KDM5A: variants seen among roughly 807,000 people sequenced by gnomAD.
KDM5A encodes lysine-specific demethylase 5A.
KDM5A carries 42 observed loss-of-function variants against 193.5 expected under a neutral mutation model. The ratio of observed to expected loss-of-function variants is 0.22; its 90% CI spans 0.17 to 0.28. The LOEUF (loss-of-function observed/expected upper bound fraction) is 0.28, where lower values mean the gene tolerates loss of function less well. Among genes scored for constraint, KDM5A ranks in the 10% least tolerant of loss-of-function variants. The pLI, the probability that KDM5A is intolerant of heterozygous loss-of-function variation, is 1.00. For synonymous variants in KDM5A, 796 were observed against 718.1 expected (o/e 1.11, Z -1.73); for missense variants, 1,692 against 2,055.1 (o/e 0.82, Z 3.42).
chr12:302,314 C>G (rs910770838), intron 24 of KDM5A, among the ~76,000 whole-genome samples: 2 of 152,088 alleles, frequency 1.3e-5, no homozygotes, highest in Admixed American at 6.5e-5. Flanking sequence ...GGTACTGGTA[C>G]CAAAACAGAT....
chr12:341,972 G>C (rs983968802), intron 10 of KDM5A, among the ~76,000 whole-genome samples: 6 of 149,588 alleles, frequency 4.0e-5, no homozygotes, highest in Non-Finnish European at 8.9e-5. Flanking sequence ...CAAAATGGGA[G>C]ACATAAATCA....
chr12:382,559 A>G (rs139021471), intron 3 of KDM5A, among the ~76,000 whole-genome samples: 1,946 of 152,336 alleles, frequency 0.013, 22 homozygotes, highest in Middle Eastern at 0.044. Context: ...AAGATATGAA[A>G]GGCCACAAGA....
chr12:372,569 T>A (rs1201146243), intron 3 of KDM5A, among the ~76,000 whole-genome samples: 2 of 152,242 alleles, frequency 1.3e-5, no homozygotes, highest in Non-Finnish European at 2.9e-5. Flanking sequence ...TTTTCCTGAT[T>A]GAATACCCTT....
intron 9 of KDM5A, 127 bp downstream of exon 9, chr12:352,078 T>C: frequency 1.2e-6 from 1 of 814,556 alleles, no homozygotes; most frequent in East Asian, 2.8e-5. Context: ...CACTCCAGCC[T>C]GGGCGACAAA....
At chr12:373,090 G>A (rs536731670) in intron 3 of KDM5A, among the ~76,000 whole-genome samples, 16 of 152,146 alleles carry the variant, frequency 1.1e-4, no homozygotes, top group Non-Finnish European at 1.8e-4. Flanking sequence ...TTGGTATCAG[G>A]ATGATGCTGG....
At position 297,032 on chromosome 12, in the gene KDM5A, G is replaced by C; in HGVS notation, c.4234+9C>G. ...TTATGTTCCCCACAGTTTTTTAAAGGAGTAATACCTTGAGAACAACTCTTA... is the reference window on the plus strand; with the variant it reads ...TTATGTTCCCCACAGTTTTTTAAAGCAGTAATACCTTGAGAACAACTCTTA... On this transcript the variant is annotated intron_variant, in intron 25 of 27. Transcript: ENST00000399788. 1.9e-6 allele frequency: 3 copies of C among 1,613,322 alleles called. No homozygotes were observed. The highest frequency in any genetic ancestry group is 2.5e-6 in the Non-Finnish European group (3 of 1,179,714).
chr12:378,818 G>C (rs1247797962), intron 3 of KDM5A, among the ~76,000 whole-genome samples: 1 of 152,110 alleles, frequency 6.6e-6, no homozygotes, highest in Non-Finnish European at 1.5e-5. Context: ...AATTAGCCGG[G>C]CGTGGTGGTG....
intron 18 of KDM5A, 137 bp from the exon 19 acceptor site, chr12:318,598 A>G (rs1267514245): frequency 3.1e-6 from 2 of 649,244 alleles, no homozygotes; most frequent in African/African-American, 3.7e-5. Flanking sequence ...ATATTCAGAT[A>G]TGACAGTTAA....
chr12:319,321 T>C (rs939291711), intron 18 of KDM5A, among the ~76,000 whole-genome samples: 3 of 152,356 alleles, frequency 2.0e-5, no homozygotes, highest in South Asian at 2.1e-4. Context: ...TCCAGTGGTG[T>C]AGAGCATAGT....
chr12:344,496 G>A (rs971888195), intron 10 of KDM5A, among the ~76,000 whole-genome samples: 2 of 152,110 alleles, frequency 1.3e-5, no homozygotes, highest in African/African-American at 4.8e-5. Context: ...GAAGGAAAAA[G>A]TGTTAAGGGC....
rs1227635365 is a variant in KDM5A at position 281,338 on chromosome 12, AAAAC to A, written c.*4114_*4117del. 8.6e-6 allele frequency: 2 copies of A among 233,090 alleles called. No individual in the cohort carries two copies. The highest frequency in any genetic ancestry group is 4.4e-5 in the African/African-American group (2 of 45,350). 14.4% of individuals were successfully genotyped at this position (233,090 alleles called of 1,614,324 possible). A position where few individuals can be genotyped will look rare whatever the true frequency, so the allele number is the denominator to read the frequency against. Reference sequence around the variant, plus strand: ...GACCACTTGGAGTACTGCAAAAGAAAAAACAAACAAGATACAGCTTTCATAACCC... The same window carrying A: ...GACCACTTGGAGTACTGCAAAAGAAAAAACAAGATACAGCTTTCATAACCC... On this transcript the variant is annotated 3_prime_UTR_variant, in exon 28 of 28. Transcript: ENST00000399788.
chr12:293,102 C>T lies in KDM5A; in HGVS notation c.4523G>A (p.Arg1508Gln), dbSNP rs539682097. The T allele has an allele frequency of 2.4e-5, 38 of 1,595,740 alleles. No individual in the cohort carries two copies. The highest frequency in any genetic ancestry group is 5.5e-5 in the Admixed American group (3 of 54,504). ...AAGTTGCTCTACCTTTTCTAGCTTC[C>T]GTTTCCGTTTCTTCTCTGAAGAGTC... ...GKDSSEKKRKRKLEKVEQLFG... is the reference protein window; with the variant it reads ...GKDSSEKKRKQKLEKVEQLFG... The change falls in exon 27 of 28, where the codon CGG (arginine) becomes CAG (glutamine). Residue 1508 changes from arginine to glutamine, a missense_variant. This residue lies in a region of KDM5A where 965 missense variants were observed against 1,061.0 expected (regional missense o/e 0.91). Transcript: ENST00000399788.
rs142041975 is a variant in KDM5A, at chr12:362,158, G to A, written c.672+805C>T. 3.1e-3 allele frequency among the ~76,000 whole-genome samples: 477 copies of A among 152,128 alleles called. 2 individuals carry two copies. The highest frequency in any genetic ancestry group is 0.011 in the African/African-American group (451 of 41,504). ...TTTTCCTGTCTATCTATATGTTAAC[G>A]TACATGGATTAAATCTTAGGAGTTC... On this transcript the variant is annotated intron_variant, in intron 5 of 27. Coordinates refer to ENST00000399788, the MANE Select transcript of KDM5A (RefSeq NM_001042603.3).
intron 2 of KDM5A, among the ~76,000 whole-genome samples, chr12:385,572 A>G (rs1364939168): frequency 6.6e-6 from 1 of 152,192 alleles, no homozygotes; most frequent in Non-Finnish European, 1.5e-5. Flanking sequence ...TTAAAAATCC[A>G]TTTTCCAAGA....
rs1943611233 is a variant in KDM5A, at chr12:313,201, G to C, written c.2898-7C>G. The stretch of plus-strand genomic sequence containing the variant: ...TGCCACACTGTGCCTCGGTCTAAAA[G>C]AACAATAAAAACAGAGTAGGATGCA... On this transcript the variant is annotated splice_polypyrimidine_tract_variant and splice_region_variant and intron_variant, in intron 19 of 27. Transcript: ENST00000399788. 1.9e-6 allele frequency: 3 copies of C among 1,613,902 alleles called. No individual in the cohort carries two copies. The highest frequency in any genetic ancestry group is 2.5e-6 in the Non-Finnish European group (3 of 1,179,878).
intron 10 of KDM5A, among the ~76,000 whole-genome samples, chr12:348,006 T>A (rs561441804): frequency 6.6e-6 from 1 of 152,224 alleles, no homozygotes; most frequent in Admixed American, 6.5e-5. Flanking sequence ...ATTTTTGCAA[T>A]CTATCCATCT....
intron 24 of KDM5A, among the ~76,000 whole-genome samples, chr12:302,708 GA>G (rs1316276412): frequency 6.6e-6 from 1 of 152,158 alleles, no homozygotes; most frequent in African/African-American, 2.4e-5. Flanking sequence ...CACAGCAAAA[GA>G]AACTATCAGC....
At position 384,086 on chromosome 12, in the gene KDM5A, G is replaced by A; in HGVS notation, c.311C>T (p.Thr104Ile). The change falls in exon 3 of 28, where the codon ACT (threonine) becomes ATT (isoleucine). Residue 104 changes from threonine (T) to isoleucine (I), a missense_variant. Around this residue, in one of 11 missense-constraint regions of KDM5A, gnomAD observed 120 missense variants for 172.0 expected, o/e 0.70. Transcript: ENST00000399788. ...TCTCTCTACCACAGGGATCTTCAGA[G>A]TAGATCCTTGAAGTTCCCAAAATTT... is the stretch of plus-strand genomic sequence containing the variant. Reference protein sequence around the residue: ...LAKFWELQGSTLKIPVVERKI... With the variant: ...LAKFWELQGSILKIPVVERKI... 1 of 1,612,622 alleles carries A rather than the reference G, an allele frequency of 6.2e-7. No individual in the cohort carries two copies. The highest frequency in any genetic ancestry group is 8.5e-7 in the Non-Finnish European group (1 of 1,178,606).
chr12:295,757 G>A lies in KDM5A; in HGVS notation c.4271C>T (p.Pro1424Leu), dbSNP rs746112221. The stretch of plus-strand genomic sequence containing the variant: ...AGGTTCCAAACTTCGGGGCACCAAA[G>A]GGCTCTTCCGAGGTTGTTTCCTTGG... ...STPRKQPRKSPLVPRSLEPPV... is the reference protein window; with the variant it reads ...STPRKQPRKSLLVPRSLEPPV... Residue 1424 changes from proline to leucine, a missense_variant, in exon 26 of 28, where the codon CCT becomes CTT. By Grantham distance (98) the Pro-to-Leu change is moderately conservative. Transcript: ENST00000399788. 3 of 1,613,838 alleles carry A rather than the reference G, an allele frequency of 1.9e-6. No homozygotes were observed. Among genetic ancestry groups the A allele is most frequent in the African/African-American group, 2.7e-5 (2 of 74,836 alleles).
Sources: allele counts gnomAD v4.1 joint callset (sites outside exome capture counted in the v4.1 genomes callset), GRCh38; gene constraint gnomAD v4.1.1; regional missense constraint gnomAD v4.1.1; transcripts MANE v1.5; gene names NCBI Gene and HGNC (gene_info 2026-07-23, HGNC 2026-07-21).